The following ATXN7L1 variants were observed in gnomAD, a reference collection of about 807,000 sequenced individuals.
ATXN7L1 encodes the protein ataxin 7 like 1.
A neutral mutation model predicts 70.8 loss-of-function variants in ATXN7L1; 15 were observed. The ratio of observed to expected loss-of-function variants is 0.21; its 90% CI spans 0.14 to 0.33. ATXN7L1 has a LOEUF of 0.33. ATXN7L1 is among the 10% of genes least tolerant of loss of function. The pLI is 1.00. For synonymous variants in ATXN7L1, 440 were observed against 445.1 expected, an observed-to-expected ratio of 0.99 and a Z score of 0.14; for missense variants, 975 against 1,097.1, an observed-to-expected ratio of 0.89 and a Z score of 1.57.
At position 105,624,241 on chromosome 7, in the gene ATXN7L1, C is replaced by T; in HGVS notation, c.1229G>A (p.Ser410Asn). The T allele has an allele frequency of 6.8e-7, 1 of 1,460,414 alleles. No homozygotes were observed. The highest frequency in any genetic ancestry group is 2.7e-5 in the East Asian group (1 of 37,084). The allele number at this position is 1,460,414 out of a possible 1,614,324, so 90.5% of individuals were successfully genotyped here. ...GCCGCTATGATTTGAAGATGTGCTG[C>T]TGCTTATGCTATTTGCAGATGATGG... ...PRPSSANSIS[S>N]STSSNHSGHT... The change falls in exon 8 of 12, where the codon AGC becomes AAC. Residue 410 changes from serine to asparagine, a missense_variant. Physicochemically the swap from Ser to Asn is conservative, Grantham distance 46. This residue lies in a region of ATXN7L1 where 635 missense variants were observed against 699.4 expected (regional missense o/e 0.91). Coordinates refer to ENST00000419735, the MANE Select transcript of ATXN7L1 (RefSeq NM_020725.2).
intron 2 of ATXN7L1, among the ~76,000 whole-genome samples, chr7:105,807,944 G>C (rs573378299): frequency 6.6e-6 from 1 of 152,244 alleles, no homozygotes; most frequent in Non-Finnish European, 1.5e-5. Context: ...CTAGCTAACT[G>C]ATACAAGTCC....
chr7:105,741,846 G>A (rs1210204521), intron 3 of ATXN7L1, among the ~76,000 whole-genome samples: 2 of 152,192 alleles, frequency 1.3e-5, no homozygotes, highest in African/African-American at 4.8e-5. Context: ...GAAGATGAAA[G>A]CTGAGATGGG....
In ATXN7L1 at chr7:105,838,885, T is replaced by C. The variant is rs573843429; in HGVS notation, c.250+36927A>G. Among the ~76,000 whole-genome samples, 5 of 152,274 alleles carry C rather than the reference T, an allele frequency of 3.3e-5. No homozygotes were observed. The South Asian group carries it at 1.0e-3, about 32-fold the overall frequency. The stretch of plus-strand genomic sequence containing the variant: ...GCTGGAGCACACCTCTACTTCCTTT[T>C]CACTCACGAGAAAGACTCTAGGAAC... On this transcript the variant is annotated intron_variant, in intron 2 of 11. Coordinates refer to ENST00000419735, the MANE Select transcript of ATXN7L1 (RefSeq NM_020725.2).
chr7:105,724,603 A>AAAAAG (rs1355634723), intron 3 of ATXN7L1, among the ~76,000 whole-genome samples: 4 of 134,952 alleles, frequency 3.0e-5, no homozygotes, highest in African/African-American at 8.6e-5. Context: ...AAAAAAAAAA[A>AAAAAG]GGAGGCCGGG....
chr7:105,624,161 A>G lies in ATXN7L1; in HGVS notation c.1309T>C (p.Ser437Pro). 6.5e-7 allele frequency: 1 copy of G among 1,535,024 alleles called. No individual in the cohort carries two copies. The highest frequency in any genetic ancestry group is 8.8e-7 in the Non-Finnish European group (1 of 1,137,820). ...PVGGDLASRL[S>P]SDEGEMDGAD... ...CCGTCCATCTCCCCTTCATCACTGGACAGTCGGCTGGCGAGGTCACCTCCA... is the reference window on the plus strand; with the variant it reads ...CCGTCCATCTCCCCTTCATCACTGGGCAGTCGGCTGGCGAGGTCACCTCCA... Residue 437 changes from serine to proline, a missense_variant, in exon 8 of 12, where the codon TCC becomes CCC. By Grantham distance (74) the Ser-to-Pro change is moderately conservative. Around this residue, in one of 5 missense-constraint regions of ATXN7L1, gnomAD observed 635 missense variants for 699.4 expected, o/e 0.91. Coordinates refer to ENST00000419735, the MANE Select transcript of ATXN7L1 (RefSeq NM_020725.2).
At chr7:105,773,754 T>C (rs565939027) in intron 3 of ATXN7L1, among the ~76,000 whole-genome samples, 1 of 151,362 alleles carries the variant, frequency 6.6e-6, no homozygotes, top group African/African-American at 2.4e-5. Flanking sequence ...ATGAAACAAA[T>C]ACAAAAAAGA....
chr7:105,837,773 T>C (rs1329567209), intron 2 of ATXN7L1, among the ~76,000 whole-genome samples: 1 of 152,090 alleles, frequency 6.6e-6, no homozygotes, highest in Non-Finnish European at 1.5e-5. Context: ...ATGGAACACG[T>C]CCCTGGCCAC....
At chr7:105,703,431 G>A (rs986610414) in intron 3 of ATXN7L1, among the ~76,000 whole-genome samples, 9 of 152,138 alleles carry the variant, frequency 5.9e-5, no homozygotes, top group Admixed American at 4.6e-4. Context: ...TTGGGCAACT[G>A]GTATTAATCA....
At chr7:105,624,435 A>G (rs1407983239) in intron 7 of ATXN7L1, among the ~76,000 whole-genome samples, 168 bp from the exon 8 acceptor site, 1 of 152,182 alleles carries the variant, frequency 6.6e-6, no homozygotes, top group East Asian at 1.9e-4. Flanking sequence ...GCAGATGACG[A>G]GGTCAGGAGA....
In ATXN7L1 at chr7:105,614,513, T is replaced by C. The variant is rs1584296385; in HGVS notation, c.1821A>G (p.Ile607Met). The C allele has an allele frequency of 1.3e-6, 2 of 1,533,618 alleles. No homozygotes were observed. Among genetic ancestry groups the C allele is most frequent in the Middle Eastern group, 3.4e-4 (2 of 5,880 alleles). The change falls in exon 10 of 12, where the codon ATA becomes ATG. Residue 607 changes from isoleucine (I) to methionine (M), a missense_variant. Physicochemically the swap from Ile to Met is conservative, Grantham distance 10. Around this residue, in one of 5 missense-constraint regions of ATXN7L1, gnomAD observed 635 missense variants for 699.4 expected, o/e 0.91. Transcript: ENST00000419735. This position sits in a 1 kb window ranked among gnomAD's most constrained non-coding sequence, Gnocchi z 4.3. ...GGGATGGGGAAGGGATGACGGCTGGTATCGGGGACACGGCGGATGGGGCCT... is the reference window on the plus strand; with the variant it reads ...GGGATGGGGAAGGGATGACGGCTGGCATCGGGGACACGGCGGATGGGGCCT... ...TFKAPSAVSP[I>M]PAVIPSPSHK...
intron 3 of ATXN7L1, among the ~76,000 whole-genome samples, chr7:105,689,971 CATT>C (rs1790541891): frequency 6.6e-6 from 1 of 152,180 alleles, no homozygotes; most frequent in Admixed American, 6.5e-5. Flanking sequence ...GAAGCCTCAT[CATT>C]ATTCTCTGCA....
intron 2 of ATXN7L1, among the ~76,000 whole-genome samples, chr7:105,858,852 T>C (rs1432511528): frequency 6.6e-6 from 1 of 151,978 alleles, no homozygotes; most frequent in Non-Finnish European, 1.5e-5. Flanking sequence ...AGGAAGCATT[T>C]TAAATGGCAA....
intron 3 of ATXN7L1, among the ~76,000 whole-genome samples, chr7:105,674,847 G>C (rs553394640): frequency 2.8e-4 from 42 of 152,290 alleles, no homozygotes; most frequent in African/African-American, 1.0e-3. Flanking sequence ...AGTCCCAGGG[G>C]CTTTCCAGGG....
At chr7:105,850,835 G>A (rs1334868385) in intron 2 of ATXN7L1, among the ~76,000 whole-genome samples, 1 of 152,170 alleles carries the variant, frequency 6.6e-6, no homozygotes, top group Non-Finnish European at 1.5e-5. Flanking sequence ...TGGTGTGTAG[G>A]CTGAGCTGGA....
chr7:105,734,635 T>C (rs946029261), intron 3 of ATXN7L1, among the ~76,000 whole-genome samples: 1 of 149,790 alleles, frequency 6.7e-6, no homozygotes, highest in Non-Finnish European at 1.5e-5. Flanking sequence ...CCTCCTTTCA[T>C]GTTTTTTTTT....
chr7:105,711,148 C>G (rs1254663370), intron 3 of ATXN7L1, among the ~76,000 whole-genome samples: 1 of 152,114 alleles, frequency 6.6e-6, no homozygotes, highest in South Asian at 2.1e-4. Context: ...GGACACAGAG[C>G]CAAACCATTA....
chr7:105,859,576 C>T (rs959804429), intron 2 of ATXN7L1, among the ~76,000 whole-genome samples: 1 of 151,954 alleles, frequency 6.6e-6, no homozygotes, highest in African/African-American at 2.4e-5. Flanking sequence ...CAACAATTAC[C>T]TACAGTATTC....
At chr7:105,665,886 C>T (rs971213358) in intron 3 of ATXN7L1, among the ~76,000 whole-genome samples, 2 of 152,216 alleles carry the variant, frequency 1.3e-5, no homozygotes, top group Non-Finnish European at 2.9e-5. Context: ...TTGAGGGCCA[C>T]ATGCAGGAGG....
chr7:105,859,469 C>T (rs79864475), intron 2 of ATXN7L1, among the ~76,000 whole-genome samples: 4,194 of 152,170 alleles, frequency 0.028, 208 homozygotes, highest in African/African-American at 0.094. Context: ...CAGGCCCATA[C>T]TCAGTGGTCT....
Sources: gnomAD v4.1 joint callset for allele counts (sites outside exome capture counted in the v4.1 genomes callset) on GRCh38, gnomAD v4.1.1 for gene constraint, gnomAD v4.1.1 regional missense constraint, Gnocchi (gnomAD v3.1) non-coding constraint, MANE v1.5 for transcripts, NCBI Gene and HGNC (gene_info 2026-07-23, HGNC 2026-07-21) for gene names.